Variants in SOS1 observed in about 807,000 individuals in gnomAD.
The protein encoded by SOS1 is son of sevenless homolog 1.
Under a neutral mutation model 157.6 loss-of-function variants are expected in SOS1, and 25 were observed. The observed-to-expected ratio is 0.16, with a 90% CI of 0.12 to 0.22. The LOEUF is 0.22. SOS1 is among the 10% of genes least tolerant of loss of function. The probability of loss-of-function intolerance (pLI) is 1.00; values close to 1 mark genes in which losing one functional copy is unlikely to be tolerated. For missense variants in SOS1, 1,237 were observed against 1,599.1 expected (o/e 0.77, Z 3.86); for synonymous variants, 528 against 534.0 (o/e 0.99, Z 0.16).
intron 6 of SOS1, 50 bp downstream of exon 6, chr2:39,051,094 A>C (rs749078292): frequency 6.4e-7 from 1 of 1,560,530 alleles, no homozygotes; most frequent in African/African-American, 1.4e-5. Flanking sequence ...ATTTTAATGT[A>C]AATGTAGGCT....
chr2:39,089,972 CAAA>C (rs35640140), intron 1 of SOS1, among the ~76,000 whole-genome samples: 22 of 125,330 alleles, frequency 1.8e-4, no homozygotes, highest in East Asian at 2.3e-4. Context: ...ACTAAAAATA[CAAA>C]AAAAAAAAAA....
intron 1 of SOS1, among the ~76,000 whole-genome samples, chr2:39,106,522 C>T (rs1317296828): frequency 3.5e-5 from 5 of 142,512 alleles, no homozygotes; most frequent in African/African-American, 1.1e-4. Context: ...ACCCGGGAGG[C>T]GGAGCTTGCA....
intron 1 of SOS1, among the ~76,000 whole-genome samples, chr2:39,076,454 T>C (rs916489503): frequency 6.6e-6 from 1 of 151,818 alleles, no homozygotes. Context: ...GAAAAGATAC[T>C]ACACCATGAC....
chr2:39,003,616 C>T (rs1467372456), intron 17 of SOS1, among the ~76,000 whole-genome samples: 1 of 151,838 alleles, frequency 6.6e-6, no homozygotes, highest in Non-Finnish European at 1.5e-5. Context: ...CCAAAAATAC[C>T]CAGGAAAAAT....
intron 8 of SOS1, among the ~76,000 whole-genome samples, chr2:39,029,763 C>G (rs527888191): frequency 2.0e-5 from 3 of 152,314 alleles, no homozygotes; most frequent in South Asian, 4.1e-4. Flanking sequence ...TTTAGACATT[C>G]AACATTTGTG....
intron 2 of SOS1, among the ~76,000 whole-genome samples, chr2:39,063,229 C>A (rs1671472603): frequency 6.6e-6 from 1 of 151,952 alleles, no homozygotes; most frequent in Non-Finnish European, 1.5e-5. Flanking sequence ...CTCAAGTGAT[C>A]CTCCCACCTC....
At chr2:38,995,036 T>C in intron 20 of SOS1, 87 bp downstream of exon 20, 1 of 1,117,164 alleles carries the variant, frequency 9.0e-7, no homozygotes, top group Non-Finnish European at 1.4e-6. Context: ...AGTTCACACA[T>C]ACAAAAAAAT....
chr2:39,102,971 TA>T (rs898719993), intron 1 of SOS1, among the ~76,000 whole-genome samples: 28 of 149,824 alleles, frequency 1.9e-4, no homozygotes, highest in Admixed American at 1.0e-3. Flanking sequence ...ATAAATAACT[TA>T]AAAAAAAAAT....
intron 17 of SOS1, among the ~76,000 whole-genome samples, chr2:38,998,917 C>G (rs1312708775): frequency 6.6e-6 from 1 of 152,096 alleles, no homozygotes; most frequent in East Asian, 1.9e-4. Context: ...TCCAGCAGTC[C>G]AGTGCTTAAG....
chr2:39,060,996 T>C (rs981774795), intron 2 of SOS1, among the ~76,000 whole-genome samples: 3 of 149,404 alleles, frequency 2.0e-5, no homozygotes, highest in Admixed American at 6.7e-5. Flanking sequence ...GGGGTTGAGG[T>C]AGAAGAAAAA....
intron 14 of SOS1, among the ~76,000 whole-genome samples, chr2:39,011,220 A>AT (rs1320518058): frequency 6.6e-6 from 1 of 152,138 alleles, no homozygotes; most frequent in Non-Finnish European, 1.5e-5. Context: ...TTTAAAAACT[A>AT]TTTTTATGGA....
chr2:39,045,027 T>G (rs1397275752), intron 6 of SOS1, among the ~76,000 whole-genome samples: 1 of 152,222 alleles, frequency 6.6e-6, no homozygotes, highest in African/African-American at 2.4e-5. Context: ...TCTAATATAA[T>G]GTACGTTATG....
intron 1 of SOS1, among the ~76,000 whole-genome samples, chr2:39,102,520 G>C (rs1381010796): frequency 3.6e-5 from 3 of 82,612 alleles, no homozygotes; most frequent in Non-Finnish European, 6.1e-5. Context: ...AACAGAGCAA[G>C]ACTCCATCTC....
Position 39,073,907 on chromosome 2 carries a change from C to G in SOS1, c.88-6154G>C, listed in dbSNP as rs553696945. 6.6e-5 allele frequency among the ~76,000 whole-genome samples: 10 copies of G among 152,272 alleles called. 1 individual carries two copies. In the South Asian group the frequency reaches 1.2e-3, roughly 19 times the overall value. On this transcript the variant is annotated intron_variant, in intron 1 of 22. Transcript: ENST00000402219. ...TTACTTTTATTTAAAAATATAAAGA[C>G]AGAATTTGAGATAAAACGTAATAAA... is the stretch of plus-strand genomic sequence containing the variant.
chr2:39,089,172 A>C (rs1672489409), intron 1 of SOS1, among the ~76,000 whole-genome samples: 2 of 152,216 alleles, frequency 1.3e-5, no homozygotes, highest in African/African-American at 2.4e-5. Flanking sequence ...AATATTAGGC[A>C]GCCCTCAAAA....
rs1310200958 is a variant in SOS1 at position 38,986,015 on chromosome 2, T to C, written c.3811A>G (p.Arg1271Gly). ...PQTPSPHGTR[R>G]HLPSPPLTQE... is the part of the protein sequence containing the mutation. ...GTCAATGGTGGTGATGGCAGATGCC[T>C]TCTTGTGCCGTGAGGAGAAGGTGTT... The change falls in exon 23 of 23, where the codon AGG becomes GGG. Residue 1271 changes from arginine (R) to glycine (G), a missense_variant. Arg to Gly is a moderately radical substitution (Grantham distance 125). Coordinates refer to ENST00000402219, the MANE Select transcript of SOS1 (RefSeq NM_005633.4). The C allele has an allele frequency of 6.2e-7, 1 of 1,613,834 alleles. No homozygotes were observed. The highest frequency in any genetic ancestry group is 8.5e-7 in the Non-Finnish European group (1 of 1,179,898).
rs1299720840 is a variant in SOS1, at chr2:39,120,970, T to TGCCGCCGCGGCC, written c.-560_-549dup. The TGCCGCCGCGGCC allele has an allele frequency of 5.7e-6, 1 of 174,220 alleles. No homozygotes were observed. The highest frequency in any genetic ancestry group is 1.2e-5 in the Non-Finnish European group (1 of 85,430). 10.8% of individuals were successfully genotyped at this position (174,220 alleles called of 1,614,324 possible). A position where few individuals can be genotyped will look rare whatever the true frequency, so the allele number is the denominator to read the frequency against. ...GTTGGGGAATCTGGCTGCCCTGAGG[T>TGCCGCCGCGGCC]GCCGCCGCGGCCGCCGCCGCCACCG... is the stretch of plus-strand genomic sequence containing the variant. On this transcript the variant is annotated 5_prime_UTR_variant, in exon 1 of 23. Coordinates refer to ENST00000402219, the MANE Select transcript of SOS1 (RefSeq NM_005633.4).
chr2:39,084,259 G>C (rs1350136261), intron 1 of SOS1, among the ~76,000 whole-genome samples: 1 of 152,054 alleles, frequency 6.6e-6, no homozygotes, highest in African/African-American at 2.4e-5. Flanking sequence ...GAACATATTA[G>C]AGCTATTAAG....
chr2:39,036,485 G>C (rs938611016), intron 6 of SOS1, among the ~76,000 whole-genome samples: 1 of 152,040 alleles, frequency 6.6e-6, no homozygotes, highest in Non-Finnish European at 1.5e-5. Context: ...TGAGTATCTG[G>C]GACCACAGGC....
Sources: gnomAD v4.1 joint callset for allele counts (sites outside exome capture counted in the v4.1 genomes callset) on GRCh38, gnomAD v4.1.1 for gene constraint, MANE v1.5 for transcripts, NCBI Gene and HGNC (gene_info 2026-07-23, HGNC 2026-07-21) for gene names.